Variants in BAIAP2L1 observed in about 807,000 individuals in gnomAD.
The protein encoded by BAIAP2L1 is BAR/IMD domain-containing adapter protein 2-like 1.
In BAIAP2L1, 35 loss-of-function variants were observed where a neutral mutation model predicts 66.3. The ratio of observed to expected loss-of-function variants is 0.53; its 90% CI spans 0.40 to 0.70. BAIAP2L1 has a LOEUF of 0.70. Ranked by LOEUF, BAIAP2L1 falls within the 30% of genes least tolerant of loss-of-function variation. The pLI is 0.00. For missense variants in BAIAP2L1, 622 were observed against 656.9 expected, an observed-to-expected ratio of 0.95 and a Z score of 0.58; for synonymous variants, 269 against 248.7, an observed-to-expected ratio of 1.08 and a Z score of -0.77.
At chr7:98,379,065 G>A (rs745962512) in intron 1 of BAIAP2L1, among the ~76,000 whole-genome samples, 3 of 152,000 alleles carry the variant, frequency 2.0e-5, no homozygotes, top group Admixed American at 6.6e-5. Context: ...TCCTGACCTC[G>A]TGATCTGACC....
chr7:98,375,632 T>C (rs1177770684), intron 1 of BAIAP2L1, among the ~76,000 whole-genome samples: 4 of 140,440 alleles, frequency 2.8e-5, no homozygotes. Context: ...ACCTATAATC[T>C]CAGCTACTCG....
At chr7:98,354,980 GT>G in intron 3 of BAIAP2L1, 61 bp downstream of exon 3, 1 of 1,282,764 alleles carries the variant, frequency 7.8e-7, no homozygotes, top group Non-Finnish European at 1.1e-6. Context: ...CATCCCACGC[GT>G]TTCTCTTGGG....
In BAIAP2L1 at chr7:98,304,251, G is replaced by GC; in HGVS notation, c.1366dup (p.Ala456GlyfsTer8). The GC allele has an allele frequency of 6.2e-7, 1 of 1,613,458 alleles. No homozygotes were observed. Among genetic ancestry groups the GC allele is most frequent in the Non-Finnish European group, 8.5e-7 (1 of 1,179,742 alleles). ...GGCCTTAAAGGTGGATGTCGTCCTG[G>GC]CCGAATCTGCTCTCCTGTCGGCAGC... On this transcript the variant is annotated frameshift_variant, in exon 12 of 14. Coordinates refer to ENST00000005260, the MANE Select transcript of BAIAP2L1 (RefSeq NM_018842.5). LOFTEE classifies it high-confidence loss of function.
At chr7:98,320,150 A>G (rs1801203253) in intron 4 of BAIAP2L1, 21 bp from the exon 5 acceptor site, 1 of 1,602,782 alleles carries the variant, frequency 6.2e-7, no homozygotes, top group Non-Finnish European at 8.5e-7. Context: ...AAGGAAATAA[A>G]TTCATACCAG....
intron 3 of BAIAP2L1, among the ~76,000 whole-genome samples, chr7:98,338,455 C>T (rs1801662576): frequency 6.6e-6 from 1 of 150,998 alleles, no homozygotes; most frequent in Middle Eastern, 3.2e-3. Flanking sequence ...TGCCGTTAAG[C>T]AGCCATTCCC....
intron 1 of BAIAP2L1, among the ~76,000 whole-genome samples, chr7:98,378,547 TTC>T (rs1288354849): frequency 3.9e-5 from 6 of 152,240 alleles, no homozygotes; most frequent in South Asian, 2.1e-4. Flanking sequence ...TGTTCCTGGC[TTC>T]TCTTTCTTTA....
intron 1 of BAIAP2L1, among the ~76,000 whole-genome samples, chr7:98,362,890 G>A (rs1431146151): frequency 6.6e-6 from 1 of 152,158 alleles, no homozygotes; most frequent in African/African-American, 2.4e-5. Context: ...GAAATTTCCA[G>A]GAGATTTTGT....
At chr7:98,339,191 C>A (rs559108959) in intron 3 of BAIAP2L1, among the ~76,000 whole-genome samples, 27 of 152,240 alleles carry the variant, frequency 1.8e-4, no homozygotes, top group African/African-American at 5.3e-4. Context: ...AAGGAACTGG[C>A]AGACAGCTCC....
chr7:98,322,859 TG>T (rs1308376769), intron 3 of BAIAP2L1: 1 of 152,254 alleles, frequency 6.6e-6, no homozygotes, highest in Admixed American at 6.5e-5. Context: ...GCTCCCGCCA[TG>T]GTGTTCCAGG....
intron 11 of BAIAP2L1, 28 bp from the exon 12 acceptor site, chr7:98,304,404 G>T: frequency 1.9e-6 from 3 of 1,610,778 alleles, no homozygotes; most frequent in Non-Finnish European, 2.5e-6. Context: ...CACAGCACGT[G>T]TTAGATAATG....
At chr7:98,363,016 T>C (rs1428779265) in intron 1 of BAIAP2L1, among the ~76,000 whole-genome samples, 1 of 146,580 alleles carries the variant, frequency 6.8e-6, no homozygotes, top group Non-Finnish European at 1.5e-5. Context: ...TGGATGTCCC[T>C]GGCATTTTTT....
At chr7:98,334,691 G>GC (rs1297839276) in intron 3 of BAIAP2L1, among the ~76,000 whole-genome samples, 5 of 151,714 alleles carry the variant, frequency 3.3e-5, no homozygotes, top group Non-Finnish European at 7.4e-5. Flanking sequence ...GACTATAGGT[G>GC]CCCCCCACCA....
intron 1 of BAIAP2L1, among the ~76,000 whole-genome samples, chr7:98,394,782 T>A (rs1803160640): frequency 6.6e-6 from 1 of 152,170 alleles, no homozygotes; most frequent in African/African-American, 2.4e-5. Flanking sequence ...GCCAGAACAT[T>A]CATAAAGCAC....
At chr7:98,331,329 A>G (rs750015467) in intron 3 of BAIAP2L1, among the ~76,000 whole-genome samples, 11 of 152,194 alleles carry the variant, frequency 7.2e-5, no homozygotes, top group Non-Finnish European at 1.2e-4. Flanking sequence ...ATGTAATAAT[A>G]TGAGAATCTT....
chr7:98,383,892 G>A (rs577437544), intron 1 of BAIAP2L1, among the ~76,000 whole-genome samples: 5 of 151,998 alleles, frequency 3.3e-5, no homozygotes, highest in African/African-American at 9.6e-5. Flanking sequence ...GGTGGCTCAC[G>A]CCTGTAATCC....
chr7:98,349,181 C>T (rs978094105), intron 3 of BAIAP2L1, among the ~76,000 whole-genome samples: 3 of 152,192 alleles, frequency 2.0e-5, no homozygotes, highest in African/African-American at 7.2e-5. Context: ...GTGACAGCTA[C>T]GTTTACCCTT....
intron 1 of BAIAP2L1, among the ~76,000 whole-genome samples, chr7:98,388,370 G>A (rs556640082): frequency 1.3e-5 from 2 of 152,336 alleles, no homozygotes; most frequent in South Asian, 2.1e-4. Context: ...GCAGATGCCT[G>A]TAATCCCGGC....
At chr7:98,348,629 ACTTT>A (rs1228016230) in intron 3 of BAIAP2L1, among the ~76,000 whole-genome samples, 1 of 152,142 alleles carries the variant, frequency 6.6e-6, no homozygotes, top group African/African-American at 2.4e-5. Flanking sequence ...TTTATTACTT[ACTTT>A]ATGAGAAGAA....
chr7:98,396,570 A>G (rs984786707), intron 1 of BAIAP2L1, among the ~76,000 whole-genome samples: 12 of 152,100 alleles, frequency 7.9e-5, no homozygotes, highest in African/African-American at 2.9e-4. Context: ...AGACTCTAGG[A>G]CTCAGTTTCT....
Sources: allele counts gnomAD v4.1 joint callset (sites outside exome capture counted in the v4.1 genomes callset), GRCh38; gene constraint gnomAD v4.1.1; transcripts MANE v1.5; gene names NCBI Gene and HGNC (gene_info 2026-07-23, HGNC 2026-07-21).